CNTN5: variants seen among roughly 807,000 people sequenced by gnomAD.
CNTN5 encodes contactin-5.
Under a neutral mutation model 129.1 loss-of-function variants are expected in CNTN5, and 77 were observed. The observed-to-expected ratio is 0.60, with a 90% CI of 0.50 to 0.72. The LOEUF (loss-of-function observed/expected upper bound fraction) is 0.72. Ranked by LOEUF, CNTN5 falls within the 30% of genes least tolerant of loss-of-function variation. CNTN5 has a pLI of 0.00. For missense variants in CNTN5, 1,478 were observed against 1,328.8 expected, an observed-to-expected ratio of 1.11 and a Z score of -1.75; for synonymous variants, 509 against 465.6, an observed-to-expected ratio of 1.09 and a Z score of -1.20.
intron 2 of CNTN5, among the ~76,000 whole-genome samples, chr11:99,404,843 C>T (rs6590096): frequency 0.75 from 113,326 of 152,034 alleles, 43,092 homozygotes; most frequent in African/African-American, 0.9. Flanking sequence ...TCTTATTGCT[C>T]ATTAATGTTC....
At chr11:100,299,140 T>C in intron 19 of CNTN5, 22 bp from the exon 20 acceptor site, 4 of 1,424,880 alleles carry the variant, frequency 2.8e-6, no homozygotes, top group Non-Finnish European at 3.8e-6. Context: ...TGCTGATAAT[T>C]AATTATATTT....
intron 3 of CNTN5, among the ~76,000 whole-genome samples, chr11:99,572,947 A>C (rs1565308195): frequency 6.6e-6 from 1 of 152,112 alleles, no homozygotes. Flanking sequence ...CATGCGGGAG[A>C]ACAGTGGAGC....
At chr11:99,548,345 G>A (rs140709593) in intron 2 of CNTN5, among the ~76,000 whole-genome samples, 3 of 152,272 alleles carry the variant, frequency 2.0e-5, no homozygotes, top group African/African-American at 4.8e-5. Flanking sequence ...ATTGAAAGAG[G>A]TTCAGAGAGC....
intron 3 of CNTN5, among the ~76,000 whole-genome samples, chr11:99,707,439 A>G (rs1164604912): frequency 6.6e-6 from 1 of 151,680 alleles, no homozygotes; most frequent in Non-Finnish European, 1.5e-5. Context: ...CATTATTGCA[A>G]ATTAAAAGCT....
At chr11:100,038,609 C>G (rs1232864177) in intron 9 of CNTN5, among the ~76,000 whole-genome samples, 2 of 152,060 alleles carry the variant, frequency 1.3e-5, no homozygotes, top group African/African-American at 2.4e-5. Flanking sequence ...GTCTAAGTCT[C>G]TTTGTAGGTC....
chr11:100,074,165 T>A lies in CNTN5; in HGVS notation c.1451T>A (p.Leu484Gln). 1 of 1,612,486 alleles carries A rather than the reference T, an allele frequency of 6.2e-7. No individual in the cohort carries two copies. Among genetic ancestry groups the A allele is most frequent in the Non-Finnish European group, 8.5e-7 (1 of 1,179,212 alleles). The change falls in exon 13 of 25, where the codon CTG becomes CAG. Residue 484 changes from leucine (L) to glutamine (Q), a missense_variant. Leu to Gln is a moderately radical substitution (Grantham distance 113). Transcript: ENST00000524871. ...ATAGCTTCAGCTCCCACTTTTGCACTGAATCAACTGAAGAAAACAATAATT... is the reference window on the plus strand; with the variant it reads ...ATAGCTTCAGCTCCCACTTTTGCACAGAATCAACTGAAGAAAACAATAATT... ...KILASAPTFA[L>Q]NQLKKTIIVT...
Position 99,782,735 on chromosome 11 carries a change from C to T in CNTN5, c.56-36809C>T, listed in dbSNP as rs953291291. 4.6e-5 allele frequency among the ~76,000 whole-genome samples: 7 copies of T among 152,100 alleles called. No individual in the cohort carries two copies. The East Asian group carries it at 9.8e-4, about 21-fold the overall frequency. On this transcript the variant is annotated intron_variant, in intron 3 of 24. Coordinates refer to ENST00000524871, the MANE Select transcript of CNTN5 (RefSeq NM_014361.4). ...AAAAACAAGCAATGGGGAAAGGATT[C>T]CCTATTTAATAAATGGACATGGGAA...
intron 1 of CNTN5, among the ~76,000 whole-genome samples, chr11:99,136,647 C>A (rs1360115616): frequency 6.6e-6 from 1 of 152,048 alleles, no homozygotes; most frequent in Non-Finnish European, 1.5e-5. Context: ...TTTATGTACA[C>A]ACATCTCCTT....
At chr11:99,352,791 G>C (rs576202537) in intron 2 of CNTN5, among the ~76,000 whole-genome samples, 46 of 152,214 alleles carry the variant, frequency 3.0e-4, no homozygotes, top group African/African-American at 8.7e-4. Context: ...GAAGAGGAAG[G>C]CTCTGGCCTA....
At chr11:100,117,523 A>G (rs1444559717) in intron 13 of CNTN5, among the ~76,000 whole-genome samples, 1 of 151,946 alleles carries the variant, frequency 6.6e-6, no homozygotes, top group Non-Finnish European at 1.5e-5. Flanking sequence ...TAGTACATAT[A>G]AAATGTCTAC....
chr11:100,232,054 T>C (rs1949502251), intron 16 of CNTN5, among the ~76,000 whole-genome samples: 1 of 152,082 alleles, frequency 6.6e-6, no homozygotes, highest in Admixed American at 6.5e-5. Context: ...CTCAGTAGGC[T>C]GAGGCAGTAG....
intron 1 of CNTN5, among the ~76,000 whole-genome samples, chr11:99,296,405 T>G (rs73536894): frequency 0.052 from 7,916 of 152,236 alleles, 665 homozygotes; most frequent in African/African-American, 0.18. Context: ...GTGAAGAGAT[T>G]ATCCTCAGTA....
At chr11:99,984,739 C>A (rs1938565165) in intron 8 of CNTN5, among the ~76,000 whole-genome samples, 1 of 152,136 alleles carries the variant, frequency 6.6e-6, no homozygotes, top group South Asian at 2.1e-4. Flanking sequence ...TGGAAAATAG[C>A]AAGCACTCCT....
At chr11:99,883,692 G>A (rs2135869608) in intron 6 of CNTN5, among the ~76,000 whole-genome samples, 1 of 152,272 alleles carries the variant, frequency 6.6e-6, no homozygotes, top group East Asian at 1.9e-4. Flanking sequence ...TGAACCTGGA[G>A]TTTATGTATT....
chr11:99,444,399 T>A (rs1385481418), intron 2 of CNTN5, among the ~76,000 whole-genome samples: 5 of 152,280 alleles, frequency 3.3e-5, no homozygotes, highest in Admixed American at 2.6e-4. Context: ...CAAGCAAATA[T>A]CCTAGTTAAA....
At chr11:99,413,460 A>G (rs1313387880) in intron 2 of CNTN5, among the ~76,000 whole-genome samples, 2 of 152,040 alleles carry the variant, frequency 1.3e-5, no homozygotes, top group Non-Finnish European at 2.9e-5. Context: ...CTCTACTAAA[A>G]ATACAAAAAT....
intron 9 of CNTN5, among the ~76,000 whole-genome samples, chr11:100,044,065 A>AGTCT (rs1234134447): frequency 1.2e-5 from 1 of 85,172 alleles, no homozygotes; most frequent in African/African-American, 5.0e-5. Flanking sequence ...CACTCTTCCC[A>AGTCT]GTCTCTGGTG....
intron 2 of CNTN5, among the ~76,000 whole-genome samples, chr11:99,527,921 G>A (rs931502892): frequency 2.6e-5 from 4 of 152,132 alleles, no homozygotes; most frequent in Admixed American, 1.3e-4. Context: ...GCAGAGAACA[G>A]TCAAACAATC....
At chr11:99,527,516 TACCA>T (rs1290825188) in intron 2 of CNTN5, among the ~76,000 whole-genome samples, 1 of 152,096 alleles carries the variant, frequency 6.6e-6, no homozygotes, top group East Asian at 1.9e-4. Context: ...AAAAGCTACA[TACCA>T]AGACTTCCAG....
Sources: gnomAD v4.1 joint callset for allele counts (sites outside exome capture counted in the v4.1 genomes callset) on GRCh38, gnomAD v4.1.1 for gene constraint, MANE v1.5 for transcripts, NCBI Gene and HGNC (gene_info 2026-07-23, HGNC 2026-07-21) for gene names.